The following U2SURP variants were observed in gnomAD, a reference collection of about 807,000 sequenced individuals.
The protein encoded by U2SURP is U2 snRNP-associated SURP motif-containing protein.
In U2SURP, 9 loss-of-function variants were observed where a neutral mutation model predicts 144.9. That is an observed-to-expected ratio of 0.06 (90% confidence interval 0.04 to 0.11). The LOEUF (loss-of-function observed/expected upper bound fraction) is 0.11. U2SURP is among the 10% of genes least tolerant of loss of function. U2SURP has a pLI of 1.00. For missense variants in U2SURP, 724 were observed against 1,226.7 expected (o/e 0.59, Z 6.12); for synonymous variants, 408 against 396.8 (o/e 1.03, Z -0.33).
At chr3:143,013,434 T>G (rs1481941395) in intron 3 of U2SURP, among the ~76,000 whole-genome samples, 1 of 152,084 alleles carries the variant, frequency 6.6e-6, no homozygotes, top group African/African-American at 2.4e-5. Context: ...AATGTTACTC[T>G]TCTATTCTGC....
intron 1 of U2SURP, among the ~76,000 whole-genome samples, chr3:143,007,590 C>T (rs1460076379): frequency 1.3e-5 from 2 of 151,798 alleles, no homozygotes; most frequent in East Asian, 1.9e-4. Context: ...TACAGGTGCC[C>T]GCCACCGCAC....
chr3:143,036,550 T>C (rs963340412), intron 20 of U2SURP, among the ~76,000 whole-genome samples: 7 of 152,210 alleles, frequency 4.6e-5, no homozygotes, highest in African/African-American at 1.7e-4. Flanking sequence ...TGTTTAATTC[T>C]GCCATGCTAG....
chr3:143,027,345 A>C lies in U2SURP; in HGVS notation c.1379+92A>C, dbSNP rs937308416. The stretch of plus-strand genomic sequence containing the variant: ...TATACAGTTCAGTGTCATTAAGTAC[A>C]TTCACATTGTTGTACAACCATCACC... On this transcript the variant is annotated intron_variant, in intron 14 of 27. Coordinates refer to ENST00000473835, the MANE Select transcript of U2SURP (RefSeq NM_001080415.2). 9 of 919,248 alleles carry C rather than the reference A, an allele frequency of 9.8e-6. No homozygotes were observed. In the African/African-American group the frequency reaches 1.3e-4, roughly 14 times the overall value. The allele number at this position is 919,248 out of a possible 1,614,324, so 56.9% of individuals were successfully genotyped here.
intron 24 of U2SURP, among the ~76,000 whole-genome samples, chr3:143,047,069 T>G (rs61580433): frequency 0.64 from 59,247 of 92,784 alleles, 18,583 homozygotes; most frequent in East Asian, 0.7. Flanking sequence ...CCTCCCTCCC[T>G]GACGGGGCGG....
At chr3:143,049,265 C>CAAAAAAAAA (rs200930787) in intron 24 of U2SURP, among the ~76,000 whole-genome samples, 2 of 81,496 alleles carry the variant, frequency 2.5e-5, no homozygotes, top group African/African-American at 5.0e-5. Flanking sequence ...GACTCCATCT[C>CAAAAAAAAA]AAAAAAAAAA....
rs141756017 is a variant in U2SURP at position 143,043,544 on chromosome 3, TTTTG to T, written c.2544+277_2544+280del. Among the ~76,000 whole-genome samples, 976 of 152,244 alleles carry T rather than the reference TTTTG, an allele frequency of 6.4e-3. 8 individuals carry two copies. The highest frequency in any genetic ancestry group is 0.022 in the African/African-American group (922 of 41,524). On this transcript the variant is annotated intron_variant, in intron 24 of 27. Coordinates refer to ENST00000473835, the MANE Select transcript of U2SURP (RefSeq NM_001080415.2). ...TGTGGGGTATGTATGTGAATGTGTA[TTTTG>T]TTTGTTTGCTTACTTGCTTGCTTGC... is the stretch of plus-strand genomic sequence containing the variant.
chr3:143,017,608 C>A (rs1293119006), intron 6 of U2SURP, among the ~76,000 whole-genome samples: 1 of 151,560 alleles, frequency 6.6e-6, no homozygotes, highest in African/African-American at 2.4e-5. Context: ...AGATATAATT[C>A]ACATACAATA....
At chr3:143,005,319 G>A (rs1213079723) in intron 1 of U2SURP, among the ~76,000 whole-genome samples, 1 of 152,114 alleles carries the variant, frequency 6.6e-6, no homozygotes, top group Admixed American at 6.5e-5. Flanking sequence ...GTAAACTGAG[G>A]ACCTGTTCAA....
chr3:143,020,653 T>C lies in U2SURP; in HGVS notation c.693T>C (p.Phe231=). The C allele has an allele frequency of 6.2e-7, 1 of 1,613,376 alleles. No individual in the cohort carries two copies. The highest frequency in any genetic ancestry group is 8.5e-7 in the Non-Finnish European group (1 of 1,179,632). Residue 231 remains phenylalanine, a synonymous_variant, in exon 8 of 28, where the codon TTT becomes TTC. Coordinates refer to ENST00000473835, the MANE Select transcript of U2SURP (RefSeq NM_001080415.2). Reference sequence around the variant, plus strand: ...AAACAAAAGGCAGATTAAGTCGATTTGAACCTCCTCAGTCAGATTCTGATG... The same window carrying C: ...AAACAAAAGGCAGATTAAGTCGATTCGAACCTCCTCAGTCAGATTCTGATG... ...RHKTKGRLSR[F]EPPQSDSDGQ... is the part of the protein sequence containing the mutation.
rs10655158 is a variant in U2SURP at position 143,057,399 on chromosome 3, T to TCC, written c.*956_*957dup. The TCC allele has an allele frequency of 0.66, 99,192 of 150,486 alleles. 32,775 individuals are homozygous for TCC. Among genetic ancestry groups the TCC allele is most frequent in the African/African-American group, 0.73 (29,877 of 40,934 alleles). The allele number at this position is 150,486 out of a possible 1,614,324, so 9.3% of individuals were successfully genotyped here. A position where few individuals can be genotyped will look rare whatever the true frequency, so the allele number is the denominator to read the frequency against. ...GTTTGTGTTTAAACAGCTTAGTTGG[T>TCC]CCCCCCCCACTCCCAAGAGACTTGG... On this transcript the variant is annotated 3_prime_UTR_variant, in exon 28 of 28. Coordinates refer to ENST00000473835, the MANE Select transcript of U2SURP (RefSeq NM_001080415.2).
At chr3:143,048,011 G>T (rs1214368413) in intron 24 of U2SURP, among the ~76,000 whole-genome samples, 1 of 152,202 alleles carries the variant, frequency 6.6e-6, no homozygotes, top group Non-Finnish European at 1.5e-5. Flanking sequence ...TACCAACAAG[G>T]TTGGAAGAGT....
intron 13 of U2SURP, among the ~76,000 whole-genome samples, chr3:143,025,114 T>G (rs1933050285): frequency 6.6e-6 from 1 of 151,866 alleles, no homozygotes; most frequent in African/African-American, 2.4e-5. Flanking sequence ...AGATTTTGAT[T>G]TTAAATAATC....
intron 13 of U2SURP, chr3:143,024,415 A>G (rs768186859): frequency 1.2e-5 from 5 of 401,102 alleles, no homozygotes; most frequent in African/African-American, 2.1e-5. Flanking sequence ...CATTTAATAT[A>G]TAACCTTGGT....
intron 4 of U2SURP, among the ~76,000 whole-genome samples, chr3:143,014,826 TA>T (rs1205666649): frequency 5.3e-5 from 8 of 152,108 alleles, no homozygotes; most frequent in Non-Finnish European, 2.9e-5. Context: ...GCTGTGTAGA[TA>T]TGCAATCATT....
At chr3:143,044,735 C>A (rs149589322) in intron 24 of U2SURP, among the ~76,000 whole-genome samples, 1 of 152,302 alleles carries the variant, frequency 6.6e-6, no homozygotes, top group Non-Finnish European at 1.5e-5. Flanking sequence ...ATCTCCCTTA[C>A]TAACTTATGA....
At chr3:143,018,568 T>C (rs1176426279) in intron 6 of U2SURP, among the ~76,000 whole-genome samples, 2 of 152,146 alleles carry the variant, frequency 1.3e-5, no homozygotes, top group African/African-American at 4.8e-5. Context: ...GATACATGTA[T>C]ATACACACAC....
At chr3:143,012,980 A>C (rs925479178) in intron 3 of U2SURP, among the ~76,000 whole-genome samples, 1 of 152,144 alleles carries the variant, frequency 6.6e-6, no homozygotes, top group Admixed American at 6.6e-5. Flanking sequence ...TCTAGGCATA[A>C]ATATATTTTT....
chr3:143,018,234 A>G (rs544590009), intron 6 of U2SURP, among the ~76,000 whole-genome samples: 3 of 151,976 alleles, frequency 2.0e-5, no homozygotes, highest in South Asian at 2.1e-4. Flanking sequence ...CTGACAGCCT[A>G]CTAATCTACT....
intron 3 of U2SURP, among the ~76,000 whole-genome samples, chr3:143,012,784 C>T (rs1387611023): frequency 6.6e-6 from 1 of 151,960 alleles, no homozygotes; most frequent in Non-Finnish European, 1.5e-5. Context: ...AGTGCAGTGC[C>T]CAGGGTAATA....
Sources: allele counts gnomAD v4.1 joint callset (sites outside exome capture counted in the v4.1 genomes callset), GRCh38; gene constraint gnomAD v4.1.1; transcripts MANE v1.5; gene names NCBI Gene and HGNC (gene_info 2026-07-23, HGNC 2026-07-21).